CACNA1A: variants seen among roughly 807,000 people sequenced by gnomAD.
CACNA1A encodes calcium voltage-gated channel subunit alpha1 A, also known as voltage-dependent P/Q-type calcium channel subunit alpha-1A.
Under a neutral mutation model 262.4 loss-of-function variants are expected in CACNA1A, and 57 were observed. The observed-to-expected ratio is 0.22, with a 90% CI of 0.18 to 0.27. The LOEUF is 0.27. Among genes scored for constraint, CACNA1A ranks in the 10% least tolerant of loss-of-function variants. The pLI is 1.00. For synonymous variants in CACNA1A, 1,431 were observed against 1,419.3 expected (o/e 1.01, Z -0.18); for missense variants, 2,526 against 3,562.8 (o/e 0.71, Z 7.41).
rs1212089887 is a variant in CACNA1A at position 13,410,515 on chromosome 19, C to CT, written c.540-38737dup. On this transcript the variant is annotated intron_variant, in intron 3 of 46. Coordinates refer to ENST00000360228, the MANE Select transcript of CACNA1A (RefSeq NM_001127222.2). The stretch of plus-strand genomic sequence containing the variant: ...ACAGGTGTGAGTCATTGTGCCTGGC[C>CT]TTTTTTTTTTCTTTATTCTTTTTTC... Among the ~76,000 whole-genome samples the CT allele has an allele frequency of 7.4e-3, 1,070 of 143,888 alleles. 7 individuals are homozygous for CT. The highest frequency in any genetic ancestry group is 0.019 in the African/African-American group (732 of 39,160). 94.4% of individuals were successfully genotyped at this position (143,888 alleles called of 152,430 possible).
At chr19:13,231,688 C>T (rs1390307783) in intron 35 of CACNA1A, 22 bp downstream of exon 35, 1 of 1,602,906 alleles carries the variant, frequency 6.2e-7, no homozygotes, top group South Asian at 1.1e-5. Context: ...CCAGACGGCC[C>T]TCACAGTGTC....
In CACNA1A at chr19:13,321,597, C is replaced by T. The variant is rs747633504; in HGVS notation, c.1346-4276G>A. On this transcript the variant is annotated intron_variant, in intron 10 of 46. Coordinates refer to ENST00000360228, the MANE Select transcript of CACNA1A (RefSeq NM_001127222.2). ...TACGTGGTTTGTAGCTCCTCGGCTACAAACCTGCCCAGCATGTTACTGTAC... is the reference window on the plus strand; with the variant it reads ...TACGTGGTTTGTAGCTCCTCGGCTATAAACCTGCCCAGCATGTTACTGTAC... Among the ~76,000 whole-genome samples the T allele has an allele frequency of 3.5e-4, 54 of 152,170 alleles. 1 individual carries two copies. The highest frequency in any genetic ancestry group is 7.5e-4 in the Non-Finnish European group (51 of 68,044).
At chr19:13,209,240 C>T in intron 45 of CACNA1A, 72 bp downstream of exon 45, 1 of 1,418,606 alleles carries the variant, frequency 7.0e-7, no homozygotes, top group East Asian at 2.5e-5. Flanking sequence ...TTAGTGTCTC[C>T]TCCGCCCTGC....
In CACNA1A at chr19:13,234,350, CAA is replaced by C. The variant is rs71168693; in HGVS notation, c.5249+569_5249+570del. ...GGGGAACAGAGCGAGACTCCATCTC[CAA>C]AAAAAAAAAAAAAAAAAAAAAAAGC... On this transcript the variant is annotated intron_variant, in intron 34 of 46. Transcript: ENST00000360228. Among the ~76,000 whole-genome samples, 605 of 71,194 alleles carry C rather than the reference CAA, an allele frequency of 8.5e-3. 1 individual carries two copies. Among genetic ancestry groups the C allele is most frequent in the African/African-American group, 0.027 (465 of 17,108 alleles). 46.7% of individuals were successfully genotyped at this position (71,194 alleles called of 152,430 possible).
intron 4 of CACNA1A, among the ~76,000 whole-genome samples, chr19:13,369,186 T>C (rs1366885804): frequency 6.6e-6 from 1 of 152,172 alleles, no homozygotes; most frequent in Non-Finnish European, 1.5e-5. Flanking sequence ...GGATGTTGGT[T>C]GCTAATGCCT....
intron 34 of CACNA1A, among the ~76,000 whole-genome samples, chr19:13,234,177 G>A (rs999636380): frequency 1.3e-5 from 2 of 151,198 alleles, no homozygotes; most frequent in Admixed American, 1.3e-4. Flanking sequence ...GTGAAACCCC[G>A]ACTCTACTAA....
At chr19:13,221,639 C>A (rs2055236531) in intron 38 of CACNA1A, among the ~76,000 whole-genome samples, 1 of 152,072 alleles carries the variant, frequency 6.6e-6, no homozygotes, top group African/African-American at 2.4e-5. Flanking sequence ...AGACAGGGGA[C>A]CCCTGACCCC....
intron 6 of CACNA1A, among the ~76,000 whole-genome samples, chr19:13,356,168 G>A (rs1043554472): frequency 6.6e-6 from 1 of 152,168 alleles, no homozygotes; most frequent in African/African-American, 2.4e-5. Context: ...CACTGCTGGA[G>A]CTGTTCTAAT....
In CACNA1A at chr19:13,222,642, G is replaced by A. The variant is rs575918795; in HGVS notation, c.5731+2025C>T. 1.5e-4 allele frequency among the ~76,000 whole-genome samples: 22 copies of A among 150,720 alleles called. 1 individual carries two copies. In the South Asian group the frequency reaches 2.5e-3, roughly 17 times the overall value. On this transcript the variant is annotated intron_variant, in intron 38 of 46. Transcript: ENST00000360228. ...GATTTCTTGACCTCATGATCTGCCC[G>A]CCTCGGCCTCCCAAAGTGCTGCTAT...
rs576233494 is a variant in CACNA1A, at chr19:13,249,282, A to G, written c.4866+3709T>C. Among the ~76,000 whole-genome samples, 5 of 152,082 alleles carry G rather than the reference A, an allele frequency of 3.3e-5. No homozygotes were observed. The East Asian group carries it at 5.8e-4, about 18-fold the overall frequency. On this transcript the variant is annotated intron_variant, in intron 30 of 46. Coordinates refer to ENST00000360228, the MANE Select transcript of CACNA1A (RefSeq NM_001127222.2). ...CCACACCTGGCCTCAAGTGCTTCTA[A>G]TAAGTAGCATCTCCACCAAATGAAA...
intron 19 of CACNA1A, among the ~76,000 whole-genome samples, chr19:13,294,059 T>C (rs139533249): frequency 4.6e-5 from 7 of 152,212 alleles, no homozygotes; most frequent in African/African-American, 1.7e-4. Flanking sequence ...ATAAGGCTGA[T>C]AATAACAGTA....
In CACNA1A at chr19:13,303,918, C is replaced by T. The variant is rs768204487; in HGVS notation, c.1987-34G>A. 8.2e-6 allele frequency: 12 copies of T among 1,462,880 alleles called. No individual in the cohort carries two copies. The East Asian group carries it at 1.4e-4, about 17-fold the overall frequency. 90.6% of individuals were successfully genotyped at this position (1,462,880 alleles called of 1,614,324 possible). On this transcript the variant is annotated intron_variant, in intron 15 of 46. Transcript: ENST00000360228. The stretch of plus-strand genomic sequence containing the variant: ...GGAGGAAGAAACACACAGCCAACCC[C>T]CCTCTCAGCCACGGGCCCCTTGGAG...
At chr19:13,468,766 G>A (rs1031268386) in intron 1 of CACNA1A, among the ~76,000 whole-genome samples, 24 of 152,132 alleles carry the variant, frequency 1.6e-4, no homozygotes, top group African/African-American at 4.6e-4. Flanking sequence ...CAACCTGGGT[G>A]ACAGAGCAAG....
chr19:13,220,135 C>T (rs753164748), intron 38 of CACNA1A, among the ~76,000 whole-genome samples: 1 of 151,856 alleles, frequency 6.6e-6, no homozygotes, highest in Non-Finnish European at 1.5e-5. Context: ...GTGGTGGGCA[C>T]CTGTAATCTC....
At chr19:13,270,085 G>A (rs1327958513) in intron 24 of CACNA1A, among the ~76,000 whole-genome samples, 1 of 152,114 alleles carries the variant, frequency 6.6e-6, no homozygotes, top group Non-Finnish European at 1.5e-5. Context: ...TCTGCTCACT[G>A]TGAGCCTCCG....
At chr19:13,348,631 A>C (rs1004859839) in intron 6 of CACNA1A, among the ~76,000 whole-genome samples, 4 of 152,246 alleles carry the variant, frequency 2.6e-5, no homozygotes, top group African/African-American at 9.6e-5. Flanking sequence ...AGCTCAGGAG[A>C]TCGAGACCAT....
At chr19:13,402,755 C>T (rs969024627) in intron 3 of CACNA1A, among the ~76,000 whole-genome samples, 1 of 140,658 alleles carries the variant, frequency 7.1e-6, no homozygotes, top group African/African-American at 2.7e-5. Flanking sequence ...CATATATATA[C>T]ACACATATAT....
At chr19:13,406,732 C>T (rs1247083515) in intron 3 of CACNA1A, among the ~76,000 whole-genome samples, 1 of 151,038 alleles carries the variant, frequency 6.6e-6, no homozygotes, top group African/African-American at 2.4e-5. Context: ...TCACATATAC[C>T]TGTATTCTGG....
chr19:13,285,013 G>A (rs577727614), intron 21 of CACNA1A, 55 bp downstream of exon 21: 26 of 1,601,706 alleles, frequency 1.6e-5, no homozygotes, highest in African/African-American at 1.2e-4. Context: ...CCTGACTTCC[G>A]CCACCCTGGT....
Sources: allele counts gnomAD v4.1 joint callset (sites outside exome capture counted in the v4.1 genomes callset), GRCh38; gene constraint gnomAD v4.1.1; transcripts MANE v1.5; gene names NCBI Gene and HGNC (gene_info 2026-07-23, HGNC 2026-07-21).